HMGCLL1: variants seen among roughly 807,000 people sequenced by gnomAD.
HMGCLL1 encodes 3-hydroxy-3-methylglutaryl-CoA lyase like 1, also known as 3-hydroxymethyl-3-methylglutaryl-CoA lyase, cytoplasmic.
In HMGCLL1, 36 loss-of-function variants were observed where a neutral mutation model predicts 39.1. That is an observed-to-expected ratio of 0.92 (90% CI 0.71 to 1.22). The LOEUF (loss-of-function observed/expected upper bound fraction) is 1.22. HMGCLL1 is among the 50% of genes most tolerant of loss of function. The probability of loss-of-function intolerance (pLI) is 0.00; values close to 1 mark genes in which losing one functional copy is unlikely to be tolerated. For missense variants in HMGCLL1, 451 were observed against 416.5 expected, an observed-to-expected ratio of 1.08 and a Z score of -0.72; for synonymous variants, 149 against 144.0, an observed-to-expected ratio of 1.03 and a Z score of -0.25.
At chr6:55,633,961 T>A in the HMGCLL1 span, among the ~76,000 whole-genome samples, 1 of 152,146 alleles carries the variant, frequency 6.6e-6, no homozygotes, top group African/African-American at 2.4e-5. Flanking sequence ...TTACTTATAT[T>A]TGCAAATATT....
At chr6:55,630,769 C>T in the HMGCLL1 span, among the ~76,000 whole-genome samples, 18 of 131,388 alleles carry the variant, frequency 1.4e-4, no homozygotes, top group Non-Finnish European at 2.8e-4. Context: ...GCTCTCTTTG[C>T]CTGCCCCGCT....
At chr6:55,493,503 A>G (rs1010666498) in intron 7 of HMGCLL1, among the ~76,000 whole-genome samples, 2 of 152,216 alleles carry the variant, frequency 1.3e-5, no homozygotes, top group Non-Finnish European at 2.9e-5. Context: ...CTCAGAAAAT[A>G]GAGACAATGC....
At position 55,435,753 on chromosome 6, in the gene HMGCLL1, A is replaced by G. The variant is rs1205220826; in HGVS notation, c.932T>C (p.Leu311Pro). The change falls in exon 9 of 9, where the codon CTA becomes CCA. Residue 311 changes from leucine (L) to proline (P), a missense_variant. Transcript: ENST00000274901. The part of the protein sequence containing the change: ...NGLGLNTGVN[L>P]YKVMEAGDFI... ...GTCACCAGCTTCCATCACTTTGTAT[A>G]GATTCACACCCTGGTGACGAAATGA... is the stretch of plus-strand genomic sequence containing the variant. The G allele has an allele frequency of 6.3e-7, 1 of 1,575,024 alleles. No homozygotes were observed. The highest frequency in any genetic ancestry group is 1.7e-5 in the Admixed American group (1 of 57,158).
chr6:55,656,175 T>C, the HMGCLL1 span, among the ~76,000 whole-genome samples: 3 of 151,960 alleles, frequency 2.0e-5, no homozygotes, highest in African/African-American at 7.2e-5. Context: ...AAGATGTCCC[T>C]CCTACCTCAC....
the HMGCLL1 span, among the ~76,000 whole-genome samples, chr6:55,620,248 T>C: frequency 1.3e-5 from 2 of 152,148 alleles, no homozygotes; most frequent in African/African-American, 4.8e-5. Flanking sequence ...GTTCTACTTT[T>C]AGTTTTTTGA....
At chr6:55,562,887 T>C (rs1257226416) in intron 1 of HMGCLL1, among the ~76,000 whole-genome samples, 1 of 151,984 alleles carries the variant, frequency 6.6e-6, no homozygotes, top group Non-Finnish European at 1.5e-5. Context: ...TAATTTCTCT[T>C]TGGCCAACTC....
the HMGCLL1 span, among the ~76,000 whole-genome samples, chr6:55,585,131 T>C: frequency 6.6e-6 from 1 of 152,162 alleles, no homozygotes; most frequent in East Asian, 1.9e-4. Context: ...TGTTCTGAAA[T>C]AGAGCATTCT....
intron 1 of HMGCLL1, among the ~76,000 whole-genome samples, chr6:55,552,809 C>T (rs1269061378): frequency 6.6e-6 from 1 of 151,694 alleles, no homozygotes; most frequent in Non-Finnish European, 1.5e-5. Context: ...GCTGTGTTTC[C>T]AATAGCTCTA....
At chr6:55,563,907 T>C in intron 1 of HMGCLL1, 1 of 1,287,280 alleles carries the variant, frequency 7.8e-7, no homozygotes, top group South Asian at 1.2e-5. Flanking sequence ...CATCACAGAC[T>C]GAAGCTCCTT....
At chr6:55,672,377 TTC>T in the HMGCLL1 span, among the ~76,000 whole-genome samples, 1 of 151,834 alleles carries the variant, frequency 6.6e-6, no homozygotes, top group Non-Finnish European at 1.5e-5. Context: ...TAAGCTCAAA[TTC>T]TCTTAGTTTA....
At chr6:55,591,195 G>C in the HMGCLL1 span, among the ~76,000 whole-genome samples, 2 of 151,916 alleles carry the variant, frequency 1.3e-5, no homozygotes, top group Admixed American at 6.6e-5. Context: ...TCAGTCTTCT[G>C]ACTCTTCATT....
chr6:55,487,649 G>A (rs1416280853), intron 7 of HMGCLL1, among the ~76,000 whole-genome samples: 2 of 151,952 alleles, frequency 1.3e-5, no homozygotes, highest in Non-Finnish European at 2.9e-5. Context: ...TGGCTGCATA[G>A]TATTCCATGG....
At chr6:55,488,958 G>T (rs1486787691) in intron 7 of HMGCLL1, among the ~76,000 whole-genome samples, 1 of 151,836 alleles carries the variant, frequency 6.6e-6, no homozygotes, top group Non-Finnish European at 1.5e-5. Context: ...TGTGTTTTCG[G>T]GGTGGTGTGT....
At chr6:55,509,861 T>C (rs1767351038) in intron 5 of HMGCLL1, among the ~76,000 whole-genome samples, 1 of 151,868 alleles carries the variant, frequency 6.6e-6, no homozygotes, top group Non-Finnish European at 1.5e-5. Flanking sequence ...AGAAAAATAG[T>C]AGACGAAGAG....
the HMGCLL1 span, among the ~76,000 whole-genome samples, chr6:55,605,075 A>C: frequency 2.0e-5 from 3 of 152,220 alleles, no homozygotes; most frequent in Non-Finnish European, 2.9e-5. Context: ...CAGCTACTAG[A>C]AAGGCACTGG....
At chr6:55,520,232 A>G (rs983476228) in intron 3 of HMGCLL1, among the ~76,000 whole-genome samples, 1 of 138,914 alleles carries the variant, frequency 7.2e-6, no homozygotes, top group African/African-American at 2.7e-5. Context: ...TGTACCCCAG[A>G]TCTTAAAGTA....
intron 7 of HMGCLL1, among the ~76,000 whole-genome samples, chr6:55,447,997 C>T (rs77844987): frequency 2.0e-5 from 3 of 152,072 alleles, no homozygotes; most frequent in African/African-American, 4.8e-5. Context: ...AGAAGAACAT[C>T]GACAAATCAA....
intron 7 of HMGCLL1, among the ~76,000 whole-genome samples, chr6:55,469,176 T>C (rs1764921492): frequency 1.3e-5 from 2 of 150,664 alleles, no homozygotes; most frequent in Non-Finnish European, 3.0e-5. Context: ...AAAGATTGTC[T>C]AAACAACAAA....
At chr6:55,595,067 T>C in the HMGCLL1 span, among the ~76,000 whole-genome samples, 2 of 152,212 alleles carry the variant, frequency 1.3e-5, no homozygotes, top group African/African-American at 4.8e-5. Flanking sequence ...GAAACATACA[T>C]TTCAAAAATA....
Sources: gnomAD v4.1 joint callset for allele counts (sites outside exome capture counted in the v4.1 genomes callset) on GRCh38, gnomAD v4.1.1 for gene constraint, MANE v1.5 for transcripts, NCBI Gene and HGNC (gene_info 2026-07-23, HGNC 2026-07-21) for gene names.